CSTPP1: variants seen among roughly 807,000 people sequenced by gnomAD.
The protein encoded by CSTPP1 is centriolar satellite-associated tubulin polyglutamylase complex regulator 1, also known as UPF0705 protein C11orf49.
chr11:47,111,105 G>T, the CSTPP1 span, among the ~76,000 whole-genome samples: 1 of 151,940 alleles, frequency 6.6e-6, no homozygotes. Context: ...TGTTAGCCAG[G>T]ATGGTCTCGA....
the CSTPP1 span, among the ~76,000 whole-genome samples, chr11:46,986,235 C>T: frequency 6.6e-6 from 1 of 152,168 alleles, no homozygotes; most frequent in Non-Finnish European, 1.5e-5. Context: ...CTGTCTCACT[C>T]TAATACTCAT....
the CSTPP1 span, among the ~76,000 whole-genome samples, chr11:47,106,450 C>T: frequency 2.6e-5 from 4 of 152,070 alleles, no homozygotes; most frequent in African/African-American, 9.7e-5. Context: ...CAAGACCTGC[C>T]TGGCTAACAT....
the CSTPP1 span, among the ~76,000 whole-genome samples, chr11:46,978,857 T>G: frequency 6.6e-6 from 1 of 152,212 alleles, no homozygotes; most frequent in East Asian, 1.9e-4. Context: ...TTTCAGTTAC[T>G]TTAAATTAGA....
At chr11:47,040,282 G>C in the CSTPP1 span, among the ~76,000 whole-genome samples, 2 of 128,252 alleles carry the variant, frequency 1.6e-5, no homozygotes, top group Non-Finnish European at 3.7e-5. Context: ...TGTACAACAG[G>C]TTTTCAAATA....
the CSTPP1 span, chr11:47,157,795 G>A: frequency 6.2e-7 from 1 of 1,609,392 alleles, no homozygotes; most frequent in Non-Finnish European, 8.5e-7. Flanking sequence ...CTCTGAATGT[G>A]GCATCTCTCC....
the CSTPP1 span, among the ~76,000 whole-genome samples, chr11:47,163,935 T>C: frequency 1.3e-5 from 2 of 152,126 alleles, no homozygotes; most frequent in Non-Finnish European, 1.5e-5. Flanking sequence ...CATGAGCCAC[T>C]GTACCCGGCG....
the CSTPP1 span, chr11:47,103,820 A>G: frequency 1.3e-5 from 2 of 151,632 alleles, no homozygotes; most frequent in Admixed American, 6.6e-5. Context: ...GACCACAGGT[A>G]TGTGTTACCA....
the CSTPP1 span, among the ~76,000 whole-genome samples, chr11:47,064,974 C>T: frequency 6.6e-6 from 1 of 152,132 alleles, no homozygotes; most frequent in Non-Finnish European, 1.5e-5. Context: ...GAACTCCTGA[C>T]CTTGTGATCC....
chr11:47,052,570 C>T, the CSTPP1 span: 8 of 1,552,468 alleles, frequency 5.2e-6, no homozygotes, highest in East Asian at 4.6e-5. Context: ...TTCCTTTCTT[C>T]CTTCCTTCCT....
At chr11:47,138,009 A>G in the CSTPP1 span, 3 of 509,794 alleles carry the variant, frequency 5.9e-6, no homozygotes, top group East Asian at 1.0e-4. Context: ...CCCCTCCAAT[A>G]CCCCCACACA....
At chr11:46,972,383 G>A in the CSTPP1 span, among the ~76,000 whole-genome samples, 2 of 152,136 alleles carry the variant, frequency 1.3e-5, 1 homozygote, top group Non-Finnish European at 2.9e-5. Flanking sequence ...TATATAATGA[G>A]ACCCCCTTGC....
the CSTPP1 span, among the ~76,000 whole-genome samples, chr11:47,064,511 G>A: frequency 2.0e-5 from 3 of 152,012 alleles, no homozygotes; most frequent in African/African-American, 7.3e-5. Context: ...TTAGGTAAGG[G>A]TCCAACTTCA....
chr11:47,100,275 T>G, the CSTPP1 span, among the ~76,000 whole-genome samples: 2 of 152,230 alleles, frequency 1.3e-5, no homozygotes, highest in African/African-American at 4.8e-5. Context: ...TTTCTAACAT[T>G]TCTCTATCAG....
the CSTPP1 span, among the ~76,000 whole-genome samples, chr11:46,965,034 T>G: frequency 1.3e-5 from 2 of 152,132 alleles, no homozygotes; most frequent in East Asian, 3.9e-4. Flanking sequence ...GTGCACAAAT[T>G]TTAAGACTGG....
At chr11:47,038,746 G>A in the CSTPP1 span, among the ~76,000 whole-genome samples, 2 of 123,262 alleles carry the variant, frequency 1.6e-5, no homozygotes, top group African/African-American at 5.0e-5. Flanking sequence ...CTTCCCAGAC[G>A]GGGTGGCTGC....
At chr11:47,073,250 T>C in the CSTPP1 span, among the ~76,000 whole-genome samples, 85 of 152,334 alleles carry the variant, frequency 5.6e-4, 1 homozygote, top group South Asian at 0.017. Flanking sequence ...GTGGCCTGGC[T>C]ACCAAGATGC....
At chr11:46,971,887 G>T in the CSTPP1 span, among the ~76,000 whole-genome samples, 4 of 152,172 alleles carry the variant, frequency 2.6e-5, no homozygotes, top group Admixed American at 6.5e-5. Context: ...GGTTGAGGCT[G>T]CAGTGAGCCG....
At chr11:46,962,773 C>T in the CSTPP1 span, among the ~76,000 whole-genome samples, 2 of 151,720 alleles carry the variant, frequency 1.3e-5, no homozygotes, top group African/African-American at 2.4e-5. Flanking sequence ...GGCAACATGG[C>T]GAAACCCCAT....
At chr11:46,977,539 C>T in the CSTPP1 span, among the ~76,000 whole-genome samples, 5 of 152,138 alleles carry the variant, frequency 3.3e-5, no homozygotes, top group African/African-American at 9.7e-5. Flanking sequence ...ACCTTTGTTT[C>T]TTAAAGAGTT....
Sources: gnomAD v4.1 joint callset for allele counts (sites outside exome capture counted in the v4.1 genomes callset) on GRCh38, gnomAD v4.1.1 for gene constraint, MANE v1.5 for transcripts, NCBI Gene and HGNC (gene_info 2026-07-23, HGNC 2026-07-21) for gene names.